Variants in UNC13C observed in about 807,000 individuals in gnomAD.
The protein encoded by UNC13C is protein unc-13 homolog C.
Under a neutral mutation model 245.4 loss-of-function variants are expected in UNC13C, and 174 were observed. The observed-to-expected ratio is 0.71, with a 90% confidence interval of 0.63 to 0.80. The LOEUF (loss-of-function observed/expected upper bound fraction) is 0.80, where lower values mean the gene tolerates loss of function less well. Among genes scored for constraint, UNC13C ranks in the 30% least tolerant of loss-of-function variants. The pLI is 0.00. For missense variants in UNC13C, 2,829 were observed against 2,602.9 expected (o/e 1.09, Z -1.89); for synonymous variants, 992 against 895.1 (o/e 1.11, Z -1.93).
At chr15:54,033,398 A>G (rs116030186) in intron 2 of UNC13C, among the ~76,000 whole-genome samples, 1 of 152,052 alleles carries the variant, frequency 6.6e-6, no homozygotes, top group Non-Finnish European at 1.5e-5. Flanking sequence ...GACAAGAAAA[A>G]ATTTTTGGAT....
Position 54,422,770 on chromosome 15 carries a change from C to A in UNC13C, c.4933+7703C>A, listed in dbSNP as rs529714041. ...GACCATCCCATCCCTCAGAACACTC[C>A]CACGCATCTCCAACTCTTTTTTCTC... On this transcript the variant is annotated intron_variant, in intron 19 of 32. Coordinates refer to ENST00000260323, the MANE Select transcript of UNC13C (RefSeq NM_001080534.3). 4.0e-5 allele frequency among the ~76,000 whole-genome samples: 6 copies of A among 151,876 alleles called. No homozygotes were observed. The South Asian group carries it at 8.3e-4, about 21-fold the overall frequency.
At chr15:54,507,057 A>G (rs1241952806) in intron 22 of UNC13C, 60 bp from the exon 23 acceptor site, 1 of 1,125,178 alleles carries the variant, frequency 8.9e-7, no homozygotes, top group Non-Finnish European at 1.3e-6. Flanking sequence ...ATTAAACTTT[A>G]TAGCATATTT....
chr15:54,122,822 T>C (rs937996765), intron 2 of UNC13C, among the ~76,000 whole-genome samples: 1 of 152,046 alleles, frequency 6.6e-6, no homozygotes, highest in Admixed American at 6.6e-5. Flanking sequence ...TTCTTGTTGT[T>C]TGGATAGAGC....
intron 2 of UNC13C, among the ~76,000 whole-genome samples, chr15:54,109,105 G>A (rs557275093): frequency 3.9e-5 from 6 of 152,174 alleles, no homozygotes; most frequent in Admixed American, 6.5e-5. Context: ...AATGACAGAC[G>A]TTTCCTATTT....
chr15:54,408,096 G>T (rs1018034126), intron 18 of UNC13C, among the ~76,000 whole-genome samples: 1 of 150,522 alleles, frequency 6.6e-6, no homozygotes, highest in Admixed American at 6.6e-5. Flanking sequence ...AGCTACTCGG[G>T]AGGCTGAGGC....
chr15:54,127,740 T>G (rs928963408), intron 2 of UNC13C, among the ~76,000 whole-genome samples: 106 of 122,786 alleles, frequency 8.6e-4, no homozygotes, highest in Admixed American at 3.7e-3. Flanking sequence ...ATATATTAAA[T>G]ATATATTTCA....
chr15:54,187,378 C>T (rs747871711), intron 4 of UNC13C, among the ~76,000 whole-genome samples: 3 of 152,112 alleles, frequency 2.0e-5, no homozygotes, highest in Non-Finnish European at 4.4e-5. Context: ...TCCTACTACT[C>T]AGACTTCTTT....
At chr15:54,356,450 G>A (rs948110779) in intron 17 of UNC13C, among the ~76,000 whole-genome samples, 1 of 152,002 alleles carries the variant, frequency 6.6e-6, no homozygotes, top group Non-Finnish European at 1.5e-5. Context: ...CCTTAGACTG[G>A]GTAATTAATA....
chr15:54,500,818 A>G lies in UNC13C; in HGVS notation c.5158-17A>G. Reference sequence around the variant, plus strand: ...CTAATGTACTGTTTGGGATGGTTTCACCTCCTCTCCCCACAGTTCCAGCAG... The same window carrying G: ...CTAATGTACTGTTTGGGATGGTTTCGCCTCCTCTCCCCACAGTTCCAGCAG... On this transcript the variant is annotated splice_polypyrimidine_tract_variant and intron_variant, in intron 21 of 32. Transcript: ENST00000260323. 1.2e-6 allele frequency: 2 copies of G among 1,611,030 alleles called. No homozygotes were observed. The highest frequency in any genetic ancestry group is 1.7e-6 in the Non-Finnish European group (2 of 1,178,434).
At chr15:54,398,451 A>G (rs1282788385) in intron 18 of UNC13C, among the ~76,000 whole-genome samples, 1 of 151,232 alleles carries the variant, frequency 6.6e-6, no homozygotes, top group Non-Finnish European at 1.5e-5. Flanking sequence ...TATCAATGTA[A>G]TGATGGTTTT....
chr15:54,261,185 G>A (rs2036414690), intron 8 of UNC13C, among the ~76,000 whole-genome samples: 2 of 152,136 alleles, frequency 1.3e-5, no homozygotes, highest in Admixed American at 1.3e-4. Flanking sequence ...GCATATTACT[G>A]TATTTCAATG....
intron 29 of UNC13C, among the ~76,000 whole-genome samples, chr15:54,563,879 C>A (rs1031693569): frequency 1.3e-5 from 2 of 151,992 alleles, no homozygotes; most frequent in Non-Finnish European, 2.9e-5. Context: ...AATGTAAAAT[C>A]TCTGAATGCC....
At chr15:54,401,216 A>T (rs2040175803) in intron 18 of UNC13C, among the ~76,000 whole-genome samples, 1 of 152,100 alleles carries the variant, frequency 6.6e-6, no homozygotes, top group African/African-American at 2.4e-5. Context: ...ATCATCTTTC[A>T]TTAACAGTTT....
intron 10 of UNC13C, among the ~76,000 whole-genome samples, chr15:54,271,160 G>T (rs1417876931): frequency 2.0e-5 from 3 of 152,162 alleles, no homozygotes; most frequent in Non-Finnish European, 4.4e-5. Flanking sequence ...ACTCTGGACA[G>T]CATTTGGAGA....
chr15:54,014,258 G>A lies in UNC13C; in HGVS notation c.1355G>A (p.Ser452Asn), dbSNP rs902686676. ...AACAATTGGCAGTCACCTGATGACA[G>A]TGATGAAGATCTTGAATCTGACCTC... Reference protein sequence around the residue: ...KKNNWQSPDDSDEDLESDLNR... With the variant: ...KKNNWQSPDDNDEDLESDLNR... Residue 452 changes from serine (S) to asparagine (N), a missense_variant, in exon 2 of 33, where the codon AGT becomes AAT. By Grantham distance (46) the Ser-to-Asn change is conservative (BLOSUM62 1). Coordinates refer to ENST00000260323, the MANE Select transcript of UNC13C (RefSeq NM_001080534.3). 23 of 1,613,788 alleles carry A rather than the reference G, an allele frequency of 1.4e-5. No individual in the cohort carries two copies. Among genetic ancestry groups the A allele is most frequent in the Admixed American group, 3.3e-5 (2 of 59,972 alleles).
chr15:53,905,677 T>A, the UNC13C span, among the ~76,000 whole-genome samples: 229 of 152,194 alleles, frequency 1.5e-3, no homozygotes, highest in African/African-American at 5.2e-3. Flanking sequence ...TTGTGTAGGA[T>A]GAGTAAGTTC....
At chr15:54,472,443 G>A (rs35094810) in intron 19 of UNC13C, among the ~76,000 whole-genome samples, 60,414 of 143,604 alleles carry the variant, frequency 0.42, 12,507 homozygotes, top group East Asian at 0.71. Context: ...ATTAAAAAGT[G>A]CTTACTTTTA....
intron 4 of UNC13C, among the ~76,000 whole-genome samples, chr15:54,224,893 T>G (rs1267464895): frequency 6.6e-6 from 1 of 152,120 alleles, no homozygotes; most frequent in African/African-American, 2.4e-5. Context: ...ATGTGTTTAG[T>G]AATTTATTAA....
chr15:53,902,896 AT>A, the UNC13C span, among the ~76,000 whole-genome samples: 3 of 152,220 alleles, frequency 2.0e-5, no homozygotes, highest in East Asian at 3.8e-4. Context: ...AGAATGGGTG[AT>A]AGACCAGATG....
Sources: allele counts gnomAD v4.1 joint callset (sites outside exome capture counted in the v4.1 genomes callset), GRCh38; gene constraint gnomAD v4.1.1; transcripts MANE v1.5; gene names NCBI Gene and HGNC (gene_info 2026-07-23, HGNC 2026-07-21).